Variants in ARMC2 observed in about 807,000 individuals in gnomAD.
The protein encoded by ARMC2 is armadillo repeat-containing protein 2.
A neutral mutation model predicts 90.3 loss-of-function variants in ARMC2; 67 were observed. The observed-to-expected ratio is 0.74, with a 90% confidence interval of 0.61 to 0.91. The LOEUF is 0.91. Among genes scored for constraint, ARMC2 ranks in the 40% least tolerant of loss-of-function variants. The probability of loss-of-function intolerance (pLI) is 0.00; values close to 1 mark genes in which losing one functional copy is unlikely to be tolerated. For missense variants in ARMC2, 920 were observed against 1,030.9 expected, an observed-to-expected ratio of 0.89 and a Z score of 1.47; for synonymous variants, 393 against 393.0, an observed-to-expected ratio of 1.00 and a Z score of 0.00.
the ARMC2 span, among the ~76,000 whole-genome samples, chr6:109,007,735 T>C: frequency 2.6e-5 from 4 of 151,040 alleles, no homozygotes; most frequent in African/African-American, 9.7e-5. Flanking sequence ...ATTATGTTAA[T>C]ATTGTCATTA....
At chr6:109,051,700 C>A in the ARMC2 span, among the ~76,000 whole-genome samples, 1 of 152,066 alleles carries the variant, frequency 6.6e-6, no homozygotes, top group Admixed American at 6.6e-5. Flanking sequence ...TAACAGAATA[C>A]CTGAGACTGG....
intron 5 of ARMC2, among the ~76,000 whole-genome samples, chr6:108,876,757 ATTC>A (rs949305073): frequency 6.6e-6 from 1 of 152,184 alleles, no homozygotes; most frequent in African/African-American, 2.4e-5. Context: ...CACTTATTTT[ATTC>A]TTCAGTAGAT....
At chr6:108,970,541 A>G (rs1190901154) in intron 17 of ARMC2, among the ~76,000 whole-genome samples, 1 of 124,468 alleles carries the variant, frequency 8.0e-6, no homozygotes, top group Non-Finnish European at 1.6e-5. Context: ...ACTGTCGCCC[A>G]GGCTGGAGTG....
Position 108,904,244 on chromosome 6 carries a change from A to T in ARMC2, c.862A>T (p.Thr288Ser), listed in dbSNP as rs200362565. 6.2e-6 allele frequency: 10 copies of T among 1,613,362 alleles called. No homozygotes were observed. The East Asian group carries it at 2.2e-4, about 36-fold the overall frequency. ...TGCTCTGACAGAAGAAAACATTGAA[A>T]CGGTTTGTGCTGCTTGCACACAACT... Reference protein sequence around the residue: ...RELEKEENIETVCAACTQLHH... With the variant: ...RELEKEENIESVCAACTQLHH... The change falls in exon 8 of 18, where the codon ACG (threonine) becomes TCG (serine). Residue 288 changes from threonine (T) to serine (S), a missense_variant. Physicochemically the swap from Thr to Ser is moderately conservative, Grantham distance 58. Coordinates refer to ENST00000392644, the MANE Select transcript of ARMC2 (RefSeq NM_032131.6).
Position 108,962,084 on chromosome 6 carries a change from C to G in ARMC2, c.2109C>G (p.Leu703=). Residue 703 remains leucine, a synonymous_variant, in exon 15 of 18, where the codon CTC becomes CTG. Coordinates refer to ENST00000392644, the MANE Select transcript of ARMC2 (RefSeq NM_032131.6). ...AGGCTGTGCGTGTTTTCGGAAATCT[C>G]TCCCAGGACCATGATGTCTGCGATT... The part of the protein sequence containing the change: ...ILEAVRVFGN[L]SQDHDVCDFI... The G allele has an allele frequency of 6.2e-7, 1 of 1,613,196 alleles. No homozygotes were observed. The highest frequency in any genetic ancestry group is 8.5e-7 in the Non-Finnish European group (1 of 1,179,474).
At chr6:108,910,052 A>G (rs1316095663) in intron 8 of ARMC2, among the ~76,000 whole-genome samples, 1 of 152,046 alleles carries the variant, frequency 6.6e-6, no homozygotes, top group Non-Finnish European at 1.5e-5. Flanking sequence ...AAATTTTGGT[A>G]TTCATCTTCC....
intron 10 of ARMC2, among the ~76,000 whole-genome samples, chr6:108,924,463 A>C (rs555850207): frequency 1.3e-5 from 2 of 151,972 alleles, no homozygotes; most frequent in African/African-American, 4.8e-5. Flanking sequence ...GGTTGCAGTG[A>C]GCCGAGATCG....
the ARMC2 span, among the ~76,000 whole-genome samples, chr6:108,981,555 A>G: frequency 1.3e-5 from 2 of 152,132 alleles, no homozygotes; most frequent in Non-Finnish European, 2.9e-5. Context: ...TATCTTATAT[A>G]AGTGGAGCCA....
intron 13 of ARMC2, among the ~76,000 whole-genome samples, chr6:108,954,258 GTC>G (rs1432556855): frequency 2.6e-5 from 4 of 152,068 alleles, no homozygotes; most frequent in African/African-American, 9.7e-5. Context: ...TACTTTTTAG[GTC>G]TGTCATCTCC....
chr6:109,001,512 G>A, the ARMC2 span: 4 of 1,599,364 alleles, frequency 2.5e-6, no homozygotes, highest in Non-Finnish European at 3.4e-6. Flanking sequence ...AAAAACCATG[G>A]TTACTGAAAT....
intron 13 of ARMC2, among the ~76,000 whole-genome samples, chr6:108,959,982 G>A (rs1490503980): frequency 2.6e-5 from 4 of 151,974 alleles, no homozygotes; most frequent in East Asian, 1.9e-4. Flanking sequence ...CACCACACCC[G>A]GCTAATTTTT....
At chr6:109,009,776 G>C in the ARMC2 span, among the ~76,000 whole-genome samples, 1 of 152,116 alleles carries the variant, frequency 6.6e-6, no homozygotes, top group Non-Finnish European at 1.5e-5. Context: ...GTACGGAATG[G>C]GCTCTGGAGG....
At chr6:109,010,670 T>C in the ARMC2 span, among the ~76,000 whole-genome samples, 122 of 152,354 alleles carry the variant, frequency 8.0e-4, no homozygotes, top group African/African-American at 2.6e-3. Flanking sequence ...AGATAAATGA[T>C]ATATGTTCTC....
intron 10 of ARMC2, among the ~76,000 whole-genome samples, chr6:108,921,717 C>A (rs1774589789): frequency 1.3e-5 from 2 of 152,182 alleles, no homozygotes; most frequent in African/African-American, 4.8e-5. Flanking sequence ...GATGGCTTAG[C>A]TGAGGTTGGA....
chr6:108,907,481 A>ATT, intron 8 of ARMC2: 1 of 330,402 alleles, frequency 3.0e-6, no homozygotes. Flanking sequence ...TTTTTTTACC[A>ATT]GTCATCTTTT....
chr6:108,994,690 A>ATT, the ARMC2 span: 5 of 788,486 alleles, frequency 6.3e-6, no homozygotes, highest in Non-Finnish European at 9.0e-6. Flanking sequence ...TCTCATAAGA[A>ATT]TTTATATCTT....
At chr6:109,021,995 T>C in the ARMC2 span, among the ~76,000 whole-genome samples, 1 of 152,214 alleles carries the variant, frequency 6.6e-6, no homozygotes, top group Non-Finnish European at 1.5e-5. Context: ...ACTAGTCTTA[T>C]TTATTCATCA....
chr6:108,994,380 A>G, the ARMC2 span: 1 of 1,157,120 alleles, frequency 8.6e-7, no homozygotes, highest in Non-Finnish European at 1.2e-6. Flanking sequence ...ATTTAGATTG[A>G]TGCTTTAAAA....
chr6:108,989,411 CTCTAGATCTAGAGATATATA>C, the ARMC2 span, among the ~76,000 whole-genome samples: 2 of 148,642 alleles, frequency 1.3e-5, no homozygotes, highest in South Asian at 2.2e-4. Flanking sequence ...AGATAGATAT[CTCTAGATCTAGAGATATATA>C]TCTAGATCTA....
Sources: gnomAD v4.1 joint callset for allele counts (sites outside exome capture counted in the v4.1 genomes callset) on GRCh38, gnomAD v4.1.1 for gene constraint, MANE v1.5 for transcripts, NCBI Gene and HGNC (gene_info 2026-07-23, HGNC 2026-07-21) for gene names.